Variants in THSD4 observed in about 807,000 individuals in gnomAD.
The protein encoded by THSD4 is thrombospondin type 1 domain containing 4, also known as thrombospondin type-1 domain-containing protein 4.
Under a neutral mutation model 119.0 loss-of-function variants are expected in THSD4, and 69 were observed. That is an observed-to-expected ratio of 0.58 (90% CI 0.48 to 0.71). The LOEUF is 0.71. THSD4 is among the 30% of genes least tolerant of loss of function. The probability of loss-of-function intolerance (pLI) is 0.00; values close to 1 mark genes in which losing one functional copy is unlikely to be tolerated. For missense variants in THSD4, 1,393 were observed against 1,391.1 expected, an observed-to-expected ratio of 1.00 and a Z score of -0.02; for synonymous variants, 524 against 540.4, an observed-to-expected ratio of 0.97 and a Z score of 0.42.
chr15:71,578,416 C>T (rs564940405), intron 7 of THSD4, among the ~76,000 whole-genome samples: 39 of 152,034 alleles, frequency 2.6e-4, no homozygotes, highest in African/African-American at 9.2e-4. Context: ...TGGATTCTGC[C>T]ATTGATTTCT....
At chr15:71,213,404 G>A (rs78497827) in intron 3 of THSD4, among the ~76,000 whole-genome samples, 2,687 of 152,288 alleles carry the variant, frequency 0.018, 100 homozygotes, top group African/African-American at 0.062. Context: ...TTATGACTGT[G>A]ACTCCCGTTT....
At chr15:71,381,245 T>G (rs1448377935) in intron 6 of THSD4, among the ~76,000 whole-genome samples, 1 of 152,218 alleles carries the variant, frequency 6.6e-6, no homozygotes, top group Non-Finnish European at 1.5e-5. Flanking sequence ...TTGCATCCTT[T>G]TAAATATCAA....
chr15:71,291,283 G>T (rs58897045), intron 6 of THSD4, among the ~76,000 whole-genome samples: 6,496 of 151,970 alleles, frequency 0.043, 177 homozygotes, highest in South Asian at 0.097. Context: ...TATTAGTCAG[G>T]GTTCTCCAGA....
chr15:71,594,204 A>G (rs1489749220), intron 7 of THSD4, among the ~76,000 whole-genome samples: 1 of 150,350 alleles, frequency 6.7e-6, no homozygotes, highest in Non-Finnish European at 1.5e-5. Context: ...CCAAGCCTGG[A>G]TGAATCCTTT....
chr15:71,608,572 A>G (rs368195117), intron 7 of THSD4, among the ~76,000 whole-genome samples: 1 of 152,148 alleles, frequency 6.6e-6, no homozygotes, highest in Non-Finnish European at 1.5e-5. Context: ...TATTATAAAC[A>G]TACTTGTCTT....
rs11450708 is a variant in THSD4, at chr15:71,623,926, G to GAAA, written c.1153-36589_1153-36587dup. On this transcript the variant is annotated intron_variant, in intron 7 of 17. Coordinates refer to ENST00000261862, the MANE Select transcript of THSD4 (RefSeq NM_024817.3). ...TGCCAAGAGCAAAACTCCCTCTCAAGAAAAAAAAAAAAAAAAATCTAATCA... is the reference window on the plus strand; with the variant it reads ...TGCCAAGAGCAAAACTCCCTCTCAAGAAAAAAAAAAAAAAAAAAAATCTAATCA... 1.3e-3 allele frequency among the ~76,000 whole-genome samples: 183 copies of GAAA among 136,460 alleles called. 12 individuals are homozygous for GAAA. In the Middle Eastern group the frequency reaches 0.019, roughly 14 times the overall value. 89.5% of individuals were successfully genotyped at this position (136,460 alleles called of 152,430 possible).
At chr15:71,526,715 C>G (rs1001953954) in intron 7 of THSD4, among the ~76,000 whole-genome samples, 1 of 152,086 alleles carries the variant, frequency 6.6e-6, no homozygotes, top group African/African-American at 2.4e-5. Context: ...GATGTGAATC[C>G]CTAGGGCTAG....
intron 3 of THSD4, among the ~76,000 whole-genome samples, chr15:71,161,172 G>A (rs1368637937): frequency 6.6e-6 from 1 of 152,064 alleles, no homozygotes; most frequent in Non-Finnish European, 1.5e-5. Flanking sequence ...CCTGACGTGT[G>A]ATCTAACCTG....
chr15:71,519,324 G>T (rs779894933), intron 7 of THSD4, among the ~76,000 whole-genome samples: 1 of 152,234 alleles, frequency 6.6e-6, no homozygotes, highest in East Asian at 1.9e-4. Flanking sequence ...ACACCACAGG[G>T]TTCTAAGCAG....
intron 6 of THSD4, among the ~76,000 whole-genome samples, chr15:71,258,141 A>G (rs969487588): frequency 3.9e-5 from 6 of 152,112 alleles, no homozygotes; most frequent in African/African-American, 1.4e-4. Context: ...GTATTGTACC[A>G]GCGTTAATGT....
chr15:71,434,317 G>A (rs1330897426), intron 7 of THSD4, among the ~76,000 whole-genome samples: 2 of 151,658 alleles, frequency 1.3e-5, no homozygotes, highest in Non-Finnish European at 1.5e-5. Context: ...AAGCCAAAGA[G>A]ATGAAGCAGA....
chr15:71,592,657 C>T (rs926711560), intron 7 of THSD4, among the ~76,000 whole-genome samples: 1 of 151,896 alleles, frequency 6.6e-6, no homozygotes. Context: ...AACCCAATCA[C>T]CATTTACAGA....
chr15:71,355,788 T>C (rs1365166947), intron 6 of THSD4, among the ~76,000 whole-genome samples: 2 of 152,194 alleles, frequency 1.3e-5, no homozygotes, highest in African/African-American at 4.8e-5. Flanking sequence ...GGGTCAGGGA[T>C]GAAGTTTTTT....
At chr15:71,293,167 G>A (rs138395216) in intron 6 of THSD4, among the ~76,000 whole-genome samples, 4 of 152,306 alleles carry the variant, frequency 2.6e-5, no homozygotes, top group East Asian at 3.9e-4. Context: ...GCCCTGTGCC[G>A]TGCAGCTCAG....
intron 7 of THSD4, among the ~76,000 whole-genome samples, chr15:71,592,577 C>G (rs1227882439): frequency 1.3e-5 from 2 of 151,792 alleles, no homozygotes; most frequent in African/African-American, 4.8e-5. Flanking sequence ...ACGTGGTGAT[C>G]GGGTTCCCAG....
In THSD4 at chr15:71,764,975, C is replaced by T. The variant is rs1271219474; in HGVS notation, c.2590-45C>T. On this transcript the variant is annotated intron_variant, in intron 15 of 17. Coordinates refer to ENST00000261862, the MANE Select transcript of THSD4 (RefSeq NM_024817.3). ...CCTTGATGGACAGTAGCTGCCACCC[C>T]CTTTCCATCATGTGACACTCATCTT... The T allele has an allele frequency of 5.1e-6, 8 of 1,578,246 alleles. No homozygotes were observed. The East Asian group carries it at 6.8e-5, about 13-fold the overall frequency.
intron 8 of THSD4, among the ~76,000 whole-genome samples, chr15:71,663,570 G>A (rs1025982876): frequency 6.6e-6 from 1 of 152,096 alleles, no homozygotes; most frequent in Non-Finnish European, 1.5e-5. Flanking sequence ...CGTTGGTTAC[G>A]GCCCTTTTCT....
At chr15:71,750,255 G>A (rs373855705) in intron 14 of THSD4, among the ~76,000 whole-genome samples, 1 of 152,206 alleles carries the variant, frequency 6.6e-6, no homozygotes, top group African/African-American at 2.4e-5. Flanking sequence ...CGCAGTTTGG[G>A]GATATCAGCA....
At chr15:71,188,715 C>T (rs553282516) in intron 3 of THSD4, 1 of 152,650 alleles carries the variant, frequency 6.6e-6, no homozygotes, top group East Asian at 1.9e-4. Flanking sequence ...TTTCCAGAAG[C>T]CTCCAGCCAA....
Sources: allele counts gnomAD v4.1 joint callset (sites outside exome capture counted in the v4.1 genomes callset), GRCh38; gene constraint gnomAD v4.1.1; transcripts MANE v1.5; gene names NCBI Gene and HGNC (gene_info 2026-07-23, HGNC 2026-07-21).